EPC2: variants seen among roughly 807,000 people sequenced by gnomAD.
EPC2 encodes enhancer of polycomb homolog 2.
Under a neutral mutation model 92.1 loss-of-function variants are expected in EPC2, and 14 were observed. That is an observed-to-expected ratio of 0.15 (90% CI 0.10 to 0.24). The LOEUF is 0.24. EPC2 is among the 10% of genes least tolerant of loss of function. The probability of loss-of-function intolerance (pLI) is 1.00; values close to 1 mark genes in which losing one functional copy is unlikely to be tolerated. For missense variants in EPC2, 755 were observed against 971.5 expected (o/e 0.78, Z 2.96); for synonymous variants, 340 against 334.7 (o/e 1.02, Z -0.17).
At chr2:148,741,429 A>G (rs1461204645) in intron 2 of EPC2, among the ~76,000 whole-genome samples, 1 of 152,138 alleles carries the variant, frequency 6.6e-6, no homozygotes, top group East Asian at 1.9e-4. Flanking sequence ...TTTGAGATGT[A>G]GTCCTTTACT....
intron 3 of EPC2, among the ~76,000 whole-genome samples, chr2:148,748,808 G>T (rs1337675839): frequency 1.3e-5 from 2 of 151,666 alleles, no homozygotes; most frequent in Non-Finnish European, 2.9e-5. Context: ...CATCATGTTG[G>T]GACTCAAAAA....
chr2:148,720,805 C>T (rs755267411), intron 2 of EPC2, among the ~76,000 whole-genome samples: 4 of 152,128 alleles, frequency 2.6e-5, no homozygotes, highest in South Asian at 2.1e-4. Context: ...CCCCGTGGGT[C>T]GAGCTGTTTC....
chr2:148,758,408 T>C (rs1435468004), intron 4 of EPC2, among the ~76,000 whole-genome samples: 1 of 152,082 alleles, frequency 6.6e-6, no homozygotes, highest in Admixed American at 6.6e-5. Context: ...AATTTATTTA[T>C]TTTTTGAGAT....
At chr2:148,653,245 TGTATTG>T (rs1680720524) in intron 1 of EPC2, among the ~76,000 whole-genome samples, 1 of 152,212 alleles carries the variant, frequency 6.6e-6, no homozygotes. Context: ...TGAGTTTCGT[TGTATTG>T]GTAAACAATG....
intron 11 of EPC2, 147 bp downstream of exon 11, chr2:148,781,927 C>T (rs559307113): frequency 2.3e-5 from 20 of 884,210 alleles, no homozygotes; most frequent in Middle Eastern, 2.3e-4. Context: ...AGTTAATGTA[C>T]GTAATTTTAA....
intron 3 of EPC2, among the ~76,000 whole-genome samples, chr2:148,748,933 G>T (rs1338134800): frequency 6.6e-6 from 1 of 151,950 alleles, no homozygotes; most frequent in African/African-American, 2.4e-5. Context: ...CTGCTATTCT[G>T]CCACTAGCTA....
rs763194530 is a variant in EPC2 at position 148,784,918 on chromosome 2, A to G, written c.2268A>G (p.Thr756=). ...INTRTSAPSP[T]ALKLATVAAS... ...CACGGACTTCAGCACCATCGCCAAC[A>G]GCCTTAAAACTTGCCACAGTTGCTG... is the stretch of plus-strand genomic sequence containing the variant. The change falls in exon 13 of 14, where the codon ACA becomes ACG. Residue 756 remains threonine (T), a synonymous_variant. Transcript: ENST00000258484. 2 of 1,586,970 alleles carry G rather than the reference A, an allele frequency of 1.3e-6. No homozygotes were observed. The highest frequency in any genetic ancestry group is 2.4e-5 in the South Asian group (2 of 84,992).
intron 2 of EPC2, among the ~76,000 whole-genome samples, chr2:148,731,645 G>A (rs543132895): frequency 6.6e-6 from 1 of 152,122 alleles, no homozygotes; most frequent in East Asian, 1.9e-4. Context: ...CAGGTGATCC[G>A]CCTGCCTCAG....
chr2:148,731,360 T>A (rs1386037314), intron 2 of EPC2, among the ~76,000 whole-genome samples: 1 of 152,208 alleles, frequency 6.6e-6, no homozygotes, highest in Non-Finnish European at 1.5e-5. Flanking sequence ...TTGCCTGCTA[T>A]CAAGAGGTTT....
intron 3 of EPC2, among the ~76,000 whole-genome samples, chr2:148,746,725 T>C (rs1397917917): frequency 6.6e-6 from 1 of 152,066 alleles, no homozygotes. Flanking sequence ...AAAGAAAATA[T>C]CCCTATTCTT....
chr2:148,731,011 A>G (rs576260609), intron 2 of EPC2, among the ~76,000 whole-genome samples: 2 of 152,164 alleles, frequency 1.3e-5, no homozygotes, highest in Middle Eastern at 3.2e-3. Flanking sequence ...TATCTCTTGC[A>G]GTTAAGGATA....
At chr2:148,756,979 G>A (rs1333973521) in intron 4 of EPC2, among the ~76,000 whole-genome samples, 4 of 152,212 alleles carry the variant, frequency 2.6e-5, no homozygotes, top group East Asian at 3.8e-4. Context: ...GAGCAGAGAC[G>A]GTTGTGAGAA....
intron 10 of EPC2, among the ~76,000 whole-genome samples, chr2:148,772,451 T>C (rs1430554141): frequency 6.6e-6 from 1 of 152,214 alleles, no homozygotes; most frequent in Non-Finnish European, 1.5e-5. Context: ...GAAATTATCA[T>C]CTTAAACTTC....
chr2:148,750,582 A>G (rs1253461848), intron 3 of EPC2, among the ~76,000 whole-genome samples: 1 of 152,072 alleles, frequency 6.6e-6, no homozygotes, highest in East Asian at 1.9e-4. Context: ...TTTTGATTTC[A>G]TTGAATGCTG....
At chr2:148,753,247 G>A (rs1683112395) in intron 3 of EPC2, among the ~76,000 whole-genome samples, 1 of 152,100 alleles carries the variant, frequency 6.6e-6, no homozygotes, top group Non-Finnish European at 1.5e-5. Context: ...AGCTCCTAAG[G>A]GAACCATCCT....
At chr2:148,726,765 G>GTTTTTTTTTTTTTTTTTTTTTTGT (rs201293391) in intron 2 of EPC2, among the ~76,000 whole-genome samples, 1 of 100,608 alleles carries the variant, frequency 9.9e-6, no homozygotes, top group Non-Finnish European at 2.0e-5. Context: ...TTTGTTTTTT[G>GTTTTTTTTTTTTTTTTTTTTTTGT]TTTTTTTTTT....
At chr2:148,771,944 G>A (rs747294574) in intron 10 of EPC2, among the ~76,000 whole-genome samples, 7 of 151,722 alleles carry the variant, frequency 4.6e-5, no homozygotes, top group Admixed American at 2.0e-4. Flanking sequence ...GACTACAGGC[G>A]TGCACCACCA....
intron 2 of EPC2, among the ~76,000 whole-genome samples, chr2:148,728,412 G>A (rs1356389334): frequency 6.6e-6 from 1 of 150,678 alleles, no homozygotes; most frequent in Non-Finnish European, 1.5e-5. Context: ...ATAGTCCATT[G>A]TTTGGGTGTG....
At chr2:148,662,148 A>G (rs1475998317) in intron 1 of EPC2, among the ~76,000 whole-genome samples, 1 of 152,222 alleles carries the variant, frequency 6.6e-6, no homozygotes, top group Non-Finnish European at 1.5e-5. Context: ...AATGACGATC[A>G]TTAAAAAGTC....
Sources: gnomAD v4.1 joint callset for allele counts (sites outside exome capture counted in the v4.1 genomes callset) on GRCh38, gnomAD v4.1.1 for gene constraint, MANE v1.5 for transcripts, NCBI Gene and HGNC (gene_info 2026-07-23, HGNC 2026-07-21) for gene names.